Variants in RAB14 observed in about 807,000 individuals in gnomAD.
RAB14 encodes the protein RAB14, member RAS oncogene family, also known as ras-related protein Rab-14.
Under a neutral mutation model 31.1 loss-of-function variants are expected in RAB14, and 3 were observed. The observed-to-expected ratio is 0.10, with a 90% CI of 0.04 to 0.25. The LOEUF (loss-of-function observed/expected upper bound fraction) is 0.25, where lower values mean the gene tolerates loss of function less well. Ranked by LOEUF, RAB14 falls within the 10% of genes least tolerant of loss-of-function variation. The pLI is 1.00. For synonymous variants in RAB14, 85 were observed against 84.9 expected, an observed-to-expected ratio of 1.00 and a Z score of 0.00; for missense variants, 111 against 260.1, an observed-to-expected ratio of 0.43 and a Z score of 3.94.
At chr9:121,198,915 G>A (rs1418250886) in intron 1 of RAB14, among the ~76,000 whole-genome samples, 1 of 143,306 alleles carries the variant, frequency 7.0e-6, no homozygotes, top group African/African-American at 2.5e-5. Flanking sequence ...TTCCTCAACA[G>A]TAGTACAAGT....
rs1220344875 is a variant in RAB14 at position 121,178,538 on chromosome 9, C to T, written c.*2858G>A. ...TGAACCACTCATTTTTTTAAAATCA[C>T]ACTTAAAAGACACATGGGCAAAAAA... On this transcript the variant is annotated 3_prime_UTR_variant, in exon 8 of 8. Coordinates refer to ENST00000373840, the MANE Select transcript of RAB14 (RefSeq NM_016322.4). The T allele has an allele frequency of 6.6e-6, 1 of 152,518 alleles. No homozygotes were observed. The highest frequency in any genetic ancestry group is 2.4e-5 in the African/African-American group (1 of 41,400). The allele number at this position is 152,518 out of a possible 1,614,324, so 9.4% of individuals were successfully genotyped here.
chr9:121,191,644 A>G (rs1021941450), intron 3 of RAB14, among the ~76,000 whole-genome samples: 1 of 152,162 alleles, frequency 6.6e-6, no homozygotes, highest in Non-Finnish European at 1.5e-5. Context: ...ACTTCTGGGC[A>G]CTTCATAAAA....
intron 1 of RAB14, among the ~76,000 whole-genome samples, chr9:121,201,063 G>A (rs1005328598): frequency 2.6e-5 from 4 of 151,884 alleles, no homozygotes; most frequent in African/African-American, 9.7e-5. Flanking sequence ...CCCAGACCCC[G>A]GCCCCGGCCC....
At chr9:121,191,428 T>A (rs1224165473) in intron 3 of RAB14, among the ~76,000 whole-genome samples, 1 of 152,070 alleles carries the variant, frequency 6.6e-6, no homozygotes, top group African/African-American at 2.4e-5. Context: ...ACCTCGAACT[T>A]CTGGGTTCAA....
At chr9:121,197,142 T>C (rs1012652988) in intron 1 of RAB14, among the ~76,000 whole-genome samples, 2 of 152,180 alleles carry the variant, frequency 1.3e-5, no homozygotes, top group Non-Finnish European at 2.9e-5. Context: ...GGAAGGATAT[T>C]AGTGCATGTA....
chr9:121,181,691 C>A, intron 7 of RAB14, 118 bp from the exon 8 acceptor site: 1 of 567,114 alleles, frequency 1.8e-6, no homozygotes, highest in Admixed American at 3.2e-5. Flanking sequence ...CCACTGTCAT[C>A]TAATAAGAGA....
intron 4 of RAB14, among the ~76,000 whole-genome samples, chr9:121,188,457 G>T (rs1211185494): frequency 6.6e-6 from 1 of 151,312 alleles, no homozygotes; most frequent in Non-Finnish European, 1.5e-5. Context: ...TCTGGTAATT[G>T]TTATTAATTT....
chr9:121,200,414 T>G (rs1018959759), intron 1 of RAB14, among the ~76,000 whole-genome samples: 61 of 152,210 alleles, frequency 4.0e-4, no homozygotes, highest in African/African-American at 1.4e-3. Flanking sequence ...AGCAGTAAAC[T>G]TTGCAAGAGT....
chr9:121,201,236 C>T (rs905024966), intron 1 of RAB14, among the ~76,000 whole-genome samples: 34 of 152,286 alleles, frequency 2.2e-4, no homozygotes, highest in African/African-American at 7.9e-4. Flanking sequence ...CGGCGCGGCA[C>T]GCGTGGGTAC....
Position 121,180,008 on chromosome 9 carries a change from T to C in RAB14, c.*1388A>G, listed in dbSNP as rs1156322886. On this transcript the variant is annotated 3_prime_UTR_variant, in exon 8 of 8. Transcript: ENST00000373840. ...TTGTCCAAAAAAATAAGATTGTTTC[T>C]CTTGCTATACAGTATTAATTCAGTG... The C allele has an allele frequency of 6.6e-6, 1 of 152,630 alleles. No homozygotes were observed. Among genetic ancestry groups the C allele is most frequent in the Non-Finnish European group, 1.5e-5 (1 of 68,034 alleles). 9.5% of individuals were successfully genotyped at this position (152,630 alleles called of 1,614,324 possible).
intron 1 of RAB14, among the ~76,000 whole-genome samples, chr9:121,195,060 CA>C (rs973348164): frequency 1.2e-4 from 18 of 152,116 alleles, no homozygotes; most frequent in African/African-American, 4.3e-4. Context: ...AACATCACAA[CA>C]ACTTTATTCC....
chr9:121,182,127 G>A (rs916966224), intron 7 of RAB14, among the ~76,000 whole-genome samples: 2 of 152,118 alleles, frequency 1.3e-5, no homozygotes, highest in African/African-American at 4.8e-5. Context: ...ACAACTACAT[G>A]TGTTATATGC....
chr9:121,187,519 A>G (rs1387147039), intron 4 of RAB14, among the ~76,000 whole-genome samples: 1 of 152,082 alleles, frequency 6.6e-6, no homozygotes, highest in Non-Finnish European at 1.5e-5. Flanking sequence ...ACCTTTCCTT[A>G]ATAATTTAAA....
rs1384905254 is a variant in RAB14, at chr9:121,181,178, A to G, written c.*218T>C. On this transcript the variant is annotated 3_prime_UTR_variant, in exon 8 of 8. Transcript: ENST00000373840. ...GGGGGAAAAAAAGTCTAGATTTACC[A>G]TGCAGGAGAGATTTATTACTCTACT... 2.4e-5 allele frequency: 10 copies of G among 415,866 alleles called. No individual in the cohort carries two copies. The highest frequency in any genetic ancestry group is 4.2e-5 in the Non-Finnish European group (10 of 240,016). 25.8% of individuals were successfully genotyped at this position (415,866 alleles called of 1,614,324 possible).
intron 3 of RAB14, 143 bp from the exon 4 acceptor site, chr9:121,190,874 T>C: frequency 1.3e-6 from 1 of 750,736 alleles, no homozygotes; most frequent in Non-Finnish European, 2.0e-6. Context: ...AAAAAAAAAA[T>C]TAACAAACAC....
Position 121,201,804 on chromosome 9 carries a change from C to T in RAB14, c.-173G>A, listed in dbSNP as rs1283193085. On this transcript the variant is annotated 5_prime_UTR_variant, in exon 1 of 8. Coordinates refer to ENST00000373840, the MANE Select transcript of RAB14 (RefSeq NM_016322.4). ...GCAGACGCGCCGGCAGCAGTAGCGG[C>T]AGTAGCAGTGGCAGCGGTGACTGCT... The T allele has an allele frequency of 1.3e-5, 2 of 152,428 alleles. No homozygotes were observed. The highest frequency in any genetic ancestry group is 1.9e-4 in the East Asian group (1 of 5,186). The allele number at this position is 152,428 out of a possible 1,614,324, so 9.4% of individuals were successfully genotyped here.
At chr9:121,183,256 C>T in intron 6 of RAB14, 55 bp downstream of exon 6, 3 of 1,424,222 alleles carry the variant, frequency 2.1e-6, no homozygotes, top group Non-Finnish European at 2.9e-6. Flanking sequence ...CTGTCAAGCC[C>T]ACCTTTCCTT....
chr9:121,181,229 A>T lies in RAB14; in HGVS notation c.*167T>A. The stretch of plus-strand genomic sequence containing the variant: ...TGCCTTTGATAACCTGATTACATCT[A>T]GTTGTTTAGCAGTTTAGTATTGTGT... On this transcript the variant is annotated 3_prime_UTR_variant, in exon 8 of 8. Transcript: ENST00000373840. 3 of 611,180 alleles carry T rather than the reference A, an allele frequency of 4.9e-6. No homozygotes were observed. The highest frequency in any genetic ancestry group is 7.6e-6 in the Non-Finnish European group (3 of 393,030). The allele number at this position is 611,180 out of a possible 1,614,324, so 37.9% of individuals were successfully genotyped here.
intron 4 of RAB14, among the ~76,000 whole-genome samples, chr9:121,190,066 GA>G (rs997074279): frequency 2.9e-4 from 44 of 151,054 alleles, no homozygotes; most frequent in Admixed American, 2.4e-3. Context: ...CATTTTAAGA[GA>G]AAAAAAAATT....
Sources: gnomAD v4.1 joint callset for allele counts (sites outside exome capture counted in the v4.1 genomes callset) on GRCh38, gnomAD v4.1.1 for gene constraint, MANE v1.5 for transcripts, NCBI Gene and HGNC (gene_info 2026-07-23, HGNC 2026-07-21) for gene names.